GRM7: variants seen among roughly 807,000 people sequenced by gnomAD.
The protein encoded by GRM7 is glutamate metabotropic receptor 7.
In GRM7, 35 loss-of-function variants were observed where a neutral mutation model predicts 84.5. The observed-to-expected ratio is 0.41, with a 90% CI of 0.32 to 0.55. GRM7 has a LOEUF of 0.55. Ranked by LOEUF, GRM7 falls within the 20% of genes least tolerant of loss-of-function variation. GRM7 has a pLI of 0.19. For synonymous variants in GRM7, 487 were observed against 455.1 expected, an observed-to-expected ratio of 1.07 and a Z score of -0.89; for missense variants, 1,003 against 1,194.6, an observed-to-expected ratio of 0.84 and a Z score of 2.36.
At chr3:7,357,661 C>T (rs773373125) in intron 4 of GRM7, among the ~76,000 whole-genome samples, 1 of 152,146 alleles carries the variant, frequency 6.6e-6, no homozygotes. Context: ...GAAGGAATTA[C>T]CCTGTTTAGC....
intron 4 of GRM7, among the ~76,000 whole-genome samples, chr3:7,363,306 A>T (rs1399076440): frequency 6.6e-6 from 1 of 152,058 alleles, no homozygotes; most frequent in Admixed American, 6.6e-5. Flanking sequence ...TTCTGCATTA[A>T]CCACTGAAAA....
rs762191015 is a variant in GRM7 at position 7,146,477 on chromosome 3, C to T, written c.545C>T (p.Thr182Met). The T allele has an allele frequency of 1.8e-5, 29 of 1,613,382 alleles. No homozygotes were observed. The highest frequency in any genetic ancestry group is 2.4e-5 in the Non-Finnish European group (28 of 1,179,764). ...ATCCCCCAGATTAGTTATGCATCAA[C>T]GGCACCCGAGCTAAGTGATGACCGG... is the stretch of plus-strand genomic sequence containing the variant. ...FQIPQISYAS[T>M]APELSDDRRY... is the part of the protein sequence containing the mutation. Residue 182 changes from threonine (T) to methionine (M), a missense_variant, in exon 2 of 10, where the codon ACG becomes ATG. Coordinates refer to ENST00000357716, the MANE Select transcript of GRM7 (RefSeq NM_000844.4).
At chr3:7,722,905 T>C (rs1174770252) in intron 9 of GRM7, among the ~76,000 whole-genome samples, 1 of 152,150 alleles carries the variant, frequency 6.6e-6, no homozygotes, top group African/African-American at 2.4e-5. Context: ...TGGTGGTAGA[T>C]GTTAGGAGAT....
chr3:7,592,574 C>A (rs754849286), intron 8 of GRM7, among the ~76,000 whole-genome samples: 1 of 152,082 alleles, frequency 6.6e-6, no homozygotes, highest in Non-Finnish European at 1.5e-5. Flanking sequence ...ACATGCAGAG[C>A]CTTTAAGGAT....
chr3:7,612,681 A>G (rs1696897690), intron 8 of GRM7, among the ~76,000 whole-genome samples: 1 of 152,198 alleles, frequency 6.6e-6, no homozygotes, highest in African/African-American at 2.4e-5. Flanking sequence ...ATGAAGGTTA[A>G]AAGGAATTTT....
intron 1 of GRM7, among the ~76,000 whole-genome samples, chr3:7,051,701 G>T (rs148586968): frequency 1.9e-3 from 290 of 151,838 alleles, no homozygotes; most frequent in Admixed American, 9.6e-3. Context: ...GGGTTTTAGA[G>T]ATCTAAATGA....
Position 7,419,910 on chromosome 3 carries a change from C to A in GRM7, c.1174+4747C>A, listed in dbSNP as rs541059512. Among the ~76,000 whole-genome samples, 4 of 152,266 alleles carry A rather than the reference C, an allele frequency of 2.6e-5. No homozygotes were observed. The East Asian group carries it at 7.7e-4, about 29-fold the overall frequency. ...TAGTGCTTTCAAGTCACACAATAAG[C>A]AAATTCAGTTTTGATTTGTGTCCCT... On this transcript the variant is annotated intron_variant, in intron 5 of 9. Coordinates refer to ENST00000357716, the MANE Select transcript of GRM7 (RefSeq NM_000844.4).
In GRM7 at chr3:6,954,147, A is replaced by G. The variant is rs145420280; in HGVS notation, c.519+92240A>G. On this transcript the variant is annotated intron_variant, in intron 1 of 9. Transcript: ENST00000357716. The stretch of plus-strand genomic sequence containing the variant: ...AACATAATATATGCATATTTGTTCT[A>G]TGCATAGAACGTGTAATGATCAAGT... Among the ~76,000 whole-genome samples, 272 of 152,308 alleles carry G rather than the reference A, an allele frequency of 1.8e-3. 1 individual carries two copies. The highest frequency in any genetic ancestry group is 6.4e-3 in the African/African-American group (266 of 41,562).
intron 4 of GRM7, among the ~76,000 whole-genome samples, chr3:7,308,890 A>G (rs914020908): frequency 5.9e-5 from 9 of 152,224 alleles, no homozygotes; most frequent in African/African-American, 2.2e-4. Context: ...CAAATTATTG[A>G]GGTAAAATAT....
intron 9 of GRM7, among the ~76,000 whole-genome samples, chr3:7,728,832 G>T (rs904421160): frequency 6.6e-6 from 1 of 152,214 alleles, no homozygotes; most frequent in African/African-American, 2.4e-5. Context: ...CATGGTGTTG[G>T]TGAAAGCAGC....
intron 9 of GRM7, among the ~76,000 whole-genome samples, chr3:7,710,323 C>T (rs139351932): frequency 9.4e-4 from 143 of 152,256 alleles, no homozygotes; most frequent in African/African-American, 3.2e-3. Context: ...AAAACCTCAA[C>T]ATGAAAATGC....
chr3:7,230,811 G>A (rs1426668186), intron 2 of GRM7, among the ~76,000 whole-genome samples: 1 of 152,142 alleles, frequency 6.6e-6, no homozygotes, highest in Non-Finnish European at 1.5e-5. Flanking sequence ...ATAATGGAGC[G>A]AACCAGGGTT....
intron 1 of GRM7, among the ~76,000 whole-genome samples, chr3:6,943,508 T>C (rs1455813961): frequency 6.6e-6 from 1 of 152,078 alleles, no homozygotes; most frequent in Admixed American, 6.6e-5. Flanking sequence ...TGCCAGTGTA[T>C]GTATAGGTCA....
intron 1 of GRM7, among the ~76,000 whole-genome samples, chr3:6,886,258 T>G (rs1303883136): frequency 6.6e-6 from 1 of 152,082 alleles, no homozygotes; most frequent in Non-Finnish European, 1.5e-5. Flanking sequence ...TAGTCCCGCA[T>G]GTTGTCACCA....
chr3:7,278,462 T>A (rs1699148522), intron 2 of GRM7, among the ~76,000 whole-genome samples: 1 of 152,150 alleles, frequency 6.6e-6, no homozygotes, highest in Non-Finnish European at 1.5e-5. Context: ...GTTTTATTAA[T>A]TCATGTTCTT....
intron 4 of GRM7, among the ~76,000 whole-genome samples, chr3:7,346,850 G>C (rs1465885219): frequency 6.6e-6 from 1 of 152,000 alleles, no homozygotes; most frequent in African/African-American, 2.4e-5. Context: ...GTGAGCTCTG[G>C]CACCAAGAAA....
intron 2 of GRM7, among the ~76,000 whole-genome samples, chr3:7,156,060 A>G (rs558090554): frequency 1.2e-4 from 18 of 152,298 alleles, no homozygotes; most frequent in Non-Finnish European, 2.2e-4. Context: ...CTCAAGTATC[A>G]TTACACTCTA....
At chr3:6,983,366 A>T (rs1694276468) in intron 1 of GRM7, among the ~76,000 whole-genome samples, 1 of 152,306 alleles carries the variant, frequency 6.6e-6, no homozygotes, top group South Asian at 2.1e-4. Context: ...GTAGAGTAGG[A>T]ACTGACATAA....
At chr3:7,496,586 G>A (rs1699710201) in intron 7 of GRM7, among the ~76,000 whole-genome samples, 1 of 152,118 alleles carries the variant, frequency 6.6e-6, no homozygotes, top group Non-Finnish European at 1.5e-5. Flanking sequence ...GTACATCATT[G>A]CATTATTGGG....
Sources: allele counts gnomAD v4.1 joint callset (sites outside exome capture counted in the v4.1 genomes callset), GRCh38; gene constraint gnomAD v4.1.1; transcripts MANE v1.5; gene names NCBI Gene and HGNC (gene_info 2026-07-23, HGNC 2026-07-21).